CETP: variants seen among roughly 807,000 people sequenced by gnomAD.
CETP encodes the protein BPI fold containing family F.
Under a neutral mutation model 66.5 loss-of-function variants are expected in CETP, and 56 were observed. That is an observed-to-expected ratio of 0.84 (90% CI 0.68 to 1.05). CETP has a LOEUF of 1.05. Among genes scored for constraint, CETP ranks in the 50% least tolerant of loss-of-function variants. The pLI is 0.00. For missense variants in CETP, 612 were observed against 609.6 expected (o/e 1.00, Z -0.04); for synonymous variants, 251 against 245.7 (o/e 1.02, Z -0.20).
intron 9 of CETP, among the ~76,000 whole-genome samples, chr16:56,974,605 T>A (rs1308972635): frequency 6.6e-6 from 1 of 152,236 alleles, no homozygotes; most frequent in Non-Finnish European, 1.5e-5. Context: ...GACTTACATT[T>A]ATTGCAGTTA....
chr16:56,962,779 G>A (rs1423153680), intron 1 of CETP, among the ~76,000 whole-genome samples: 4 of 152,164 alleles, frequency 2.6e-5, no homozygotes, highest in Non-Finnish European at 1.5e-5. Flanking sequence ...AGGATCCAGA[G>A]GCTAGGGTAT....
At chr16:56,970,401 A>G (rs1480720438) in intron 5 of CETP, among the ~76,000 whole-genome samples, 2 of 152,242 alleles carry the variant, frequency 1.3e-5, no homozygotes, top group Admixed American at 6.5e-5. Flanking sequence ...CTGCATTCCA[A>G]GCACCACACT....
Position 56,978,151 on chromosome 16 carries a change from A to G in CETP, c.1042A>G (p.Ile348Val), listed in dbSNP as rs1232970035. The G allele has an allele frequency of 6.2e-7, 1 of 1,614,080 alleles. No individual in the cohort carries two copies. Among genetic ancestry groups the G allele is most frequent in the Non-Finnish European group, 8.5e-7 (1 of 1,180,048 alleles). ...CGTCCACTGCCTCAAGATGCCCAAG[A>G]TCTCCTGCCAAAACAAGGGAGTCGT... ...VTVHCLKMPK[I>V]SCQNKGVVVN... The change falls in exon 11 of 16, where the codon ATC (isoleucine) becomes GTC (valine). Residue 348 changes from isoleucine to valine, a missense_variant. Physicochemically the swap from Ile to Val is conservative, Grantham distance 29. Coordinates refer to ENST00000200676, the MANE Select transcript of CETP (RefSeq NM_000078.3).
chr16:56,969,914 C>A lies in CETP; in HGVS notation c.440C>A (p.Thr147Asn). ...AIDLQINTQL[T>N]CDSGRVRTDA... ...GAGGTCATGTCGGGTCTCCCTGCAG[C>A]CTGTGACTCTGGTAGAGTGCGGACC... Residue 147 changes from threonine to asparagine, a missense_variant and splice_region_variant, in exon 5 of 16, where the codon ACC becomes AAC. Physicochemically the swap from Thr to Asn is moderately conservative, Grantham distance 65. Coordinates refer to ENST00000200676, the MANE Select transcript of CETP (RefSeq NM_000078.3). 6.2e-7 allele frequency: 1 copy of A among 1,614,030 alleles called. No individual in the cohort carries two copies. The highest frequency in any genetic ancestry group is 8.5e-7 in the Non-Finnish European group (1 of 1,179,954).
At chr16:56,981,060 G>A (rs1284858835) in intron 11 of CETP, 98 bp from the exon 12 acceptor site, 2 of 893,710 alleles carry the variant, frequency 2.2e-6, no homozygotes, top group African/African-American at 3.3e-5. Flanking sequence ...TGCCTCTCCA[G>A]TCCCTCAGTG....
Position 56,970,939 on chromosome 16 carries a change from C to T in CETP, c.528-94C>T. The T allele has an allele frequency of 3.4e-6, 4 of 1,172,828 alleles. No homozygotes were observed. The South Asian group carries it at 4.9e-5, about 14-fold the overall frequency. The allele number at this position is 1,172,828 out of a possible 1,614,324, so 72.7% of individuals were successfully genotyped here. A position where few individuals can be genotyped will look rare whatever the true frequency, so the allele number is the denominator to read the frequency against. ...ACTTCCTGAGCTACAAGAGTCAGGG[C>T]CAACAGAGCCATGAACGGTGCCTGG... is the stretch of plus-strand genomic sequence containing the variant. On this transcript the variant is annotated intron_variant, in intron 5 of 15. Coordinates refer to ENST00000200676, the MANE Select transcript of CETP (RefSeq NM_000078.3).
At position 56,981,645 on chromosome 16, in the gene CETP, A is replaced by G. The variant is rs200573694; in HGVS notation, c.1215-2A>G. ...CAAATTATCATCGCTTTTTTATTTC[A>G]GGATTACACCAAAGACTGTTTCCAA... On this transcript the variant is annotated splice_acceptor_variant, in intron 12 of 15. Coordinates refer to ENST00000200676, the MANE Select transcript of CETP (RefSeq NM_000078.3). LOFTEE classifies it high-confidence loss of function. 17 of 1,613,910 alleles carry G rather than the reference A, an allele frequency of 1.1e-5. No individual in the cohort carries two copies. In the African/African-American group the frequency reaches 2.0e-4, roughly 19 times the overall value.
chr16:56,970,555 G>A (rs1006177129), intron 5 of CETP, among the ~76,000 whole-genome samples: 17 of 152,198 alleles, frequency 1.1e-4, no homozygotes, highest in African/African-American at 3.9e-4. Context: ...CTGCTTCCCA[G>A]GGTGGGGCTT....
chr16:56,972,662 G>T (rs1295231758), intron 8 of CETP, among the ~76,000 whole-genome samples: 1 of 152,216 alleles, frequency 6.6e-6, no homozygotes, highest in East Asian at 1.9e-4. Flanking sequence ...TCTGCTCACA[G>T]CCCGTTGGCC....
intron 14 of CETP, 118 bp downstream of exon 14, chr16:56,982,355 G>A: frequency 2.1e-6 from 2 of 970,988 alleles, no homozygotes; most frequent in Non-Finnish European, 3.3e-6. Context: ...TTGATACTTA[G>A]CGGTCCTGGC....
At chr16:56,974,560 C>G (rs1433420726) in intron 9 of CETP, among the ~76,000 whole-genome samples, 1 of 152,296 alleles carries the variant, frequency 6.6e-6, no homozygotes, top group African/African-American at 2.4e-5. Context: ...TAACTTGGCA[C>G]GTAGTAACTG....
chr16:56,964,613 T>C (rs1401588294), intron 2 of CETP, among the ~76,000 whole-genome samples: 1 of 152,118 alleles, frequency 6.6e-6, no homozygotes, highest in African/African-American at 2.4e-5. Flanking sequence ...CTCCTCCTCC[T>C]CCCCGGCCCT....
intron 8 of CETP, 67 bp from the exon 9 acceptor site, chr16:56,973,263 CT>C: frequency 6.5e-7 from 1 of 1,536,450 alleles, no homozygotes; most frequent in East Asian, 2.3e-5. Context: ...TCCTCCCAAT[CT>C]CCCTGAAGCT....
chr16:56,981,303 G>A, intron 12 of CETP, 78 bp downstream of exon 12: 2 of 1,158,898 alleles, frequency 1.7e-6, no homozygotes, highest in Non-Finnish European at 2.6e-6. Flanking sequence ...GCACAGGGCG[G>A]GGTGTTGGTG....
intron 10 of CETP, among the ~76,000 whole-genome samples, chr16:56,975,928 C>G (rs1250172529): frequency 6.6e-6 from 1 of 152,208 alleles, no homozygotes; most frequent in Non-Finnish European, 1.5e-5. Flanking sequence ...CCCACACCTG[C>G]GCCTTCCTGC....
chr16:56,983,745 C>T lies in CETP; in HGVS notation c.*79C>T. ...CACAGCTGGAACCCTGGTGTCTCCT[C>T]CAGCGTGGTGGAAGTTGGGTTAGGA... On this transcript the variant is annotated 3_prime_UTR_variant, in exon 16 of 16. Transcript: ENST00000200676. 7.3e-7 allele frequency: 1 copy of T among 1,371,428 alleles called. No homozygotes were observed. Among genetic ancestry groups the T allele is most frequent in the Non-Finnish European group, 1.0e-6 (1 of 959,412 alleles). The allele number at this position is 1,371,428 out of a possible 1,614,324, so 85.0% of individuals were successfully genotyped here. A position where few individuals can be genotyped will look rare whatever the true frequency, so the allele number is the denominator to read the frequency against.
rs777611594 is a variant in CETP at position 56,983,459 on chromosome 16, C to A, written c.1407+48C>A. ...CAGCCCCTGTTCCTGGGGAGAGAGG[C>A]CCAGACAGGATTCCTGGGGTGACTG... On this transcript the variant is annotated intron_variant, in intron 15 of 15. Coordinates refer to ENST00000200676, the MANE Select transcript of CETP (RefSeq NM_000078.3). The A allele has an allele frequency of 1.4e-5, 23 of 1,603,186 alleles. No homozygotes were observed. In the South Asian group the frequency reaches 2.4e-4, roughly 17 times the overall value.
In CETP at chr16:56,963,062, C is replaced by G; in HGVS notation, c.171C>G (p.Tyr57Ter). ...VIQTAFQRASYPDITGEKAMM... is the reference protein window; with the variant it reads ...VIQTAFQRAS ...AGACCGCCTTCCAGCGAGCCAGCTA[C>G]CCAGATATCACGGGCGAGAAGGCCA... The change falls in exon 2 of 16, where the codon TAC becomes TAG. Residue 57 changes from tyrosine to a stop codon, truncating the protein, a stop_gained. Coordinates refer to ENST00000200676, the MANE Select transcript of CETP (RefSeq NM_000078.3). LOFTEE classifies it high-confidence loss of function. The G allele has an allele frequency of 6.2e-7, 1 of 1,614,202 alleles. No individual in the cohort carries two copies. Among genetic ancestry groups the G allele is most frequent in the South Asian group, 1.1e-5 (1 of 91,080 alleles).
chr16:56,981,441 C>G (rs953363439), intron 12 of CETP, among the ~76,000 whole-genome samples: 1 of 151,932 alleles, frequency 6.6e-6, no homozygotes, highest in Non-Finnish European at 1.5e-5. Context: ...GAAGAAGGGC[C>G]TGGCAGGAGG....
Sources: gnomAD v4.1 joint callset for allele counts (sites outside exome capture counted in the v4.1 genomes callset) on GRCh38, gnomAD v4.1.1 for gene constraint, MANE v1.5 for transcripts, NCBI Gene and HGNC (gene_info 2026-07-23, HGNC 2026-07-21) for gene names.